CPNE8: variants seen among roughly 807,000 people sequenced by gnomAD.
The protein encoded by CPNE8 is copine 8.
CPNE8 carries 45 observed loss-of-function variants against 81.5 expected under a neutral mutation model. The ratio of observed to expected loss-of-function variants is 0.55; its 90% CI spans 0.44 to 0.71. CPNE8 has a LOEUF of 0.71. Among genes scored for constraint, CPNE8 ranks in the 30% least tolerant of loss-of-function variants. CPNE8 has a pLI of 0.00. For synonymous variants in CPNE8, 252 were observed against 226.3 expected (o/e 1.11, Z -1.02); for missense variants, 594 against 672.1 (o/e 0.88, Z 1.28).
chr12:38,727,657 T>A (rs75660866), intron 11 of CPNE8, among the ~76,000 whole-genome samples: 3,260 of 152,320 alleles, frequency 0.021, 62 homozygotes, highest in East Asian at 0.093. Flanking sequence ...AGTAGTCAGT[T>A]GCAGGTGTTT....
intron 5 of CPNE8, among the ~76,000 whole-genome samples, chr12:38,836,154 G>A (rs548215544): frequency 6.6e-6 from 1 of 152,136 alleles, no homozygotes; most frequent in Non-Finnish European, 1.5e-5. Context: ...AACAAACTCA[G>A]AATTCAAAAT....
At chr12:38,738,733 G>A (rs977264376) in intron 10 of CPNE8, among the ~76,000 whole-genome samples, 4 of 151,490 alleles carry the variant, frequency 2.6e-5, no homozygotes, top group Non-Finnish European at 5.9e-5. Flanking sequence ...ATTACCATTC[G>A]GTATTTATGA....
intron 14 of CPNE8, among the ~76,000 whole-genome samples, chr12:38,697,489 A>G (rs1182902880): frequency 6.6e-4 from 100 of 152,144 alleles, no homozygotes; most frequent in Admixed American, 6.4e-3. Context: ...TTGCTGACAT[A>G]TGTTTTTAAG....
chr12:38,880,318 T>C (rs1281898139), intron 1 of CPNE8, among the ~76,000 whole-genome samples: 2 of 152,236 alleles, frequency 1.3e-5, no homozygotes, highest in African/African-American at 4.8e-5. Context: ...AAATGTTGCT[T>C]AGGCAGCTAC....
intron 1 of CPNE8, among the ~76,000 whole-genome samples, chr12:38,902,376 GAAAGAAAA>G (rs1486613170): frequency 6.2e-5 from 5 of 80,300 alleles, no homozygotes. Context: ...AAGAAAGAAA[GAAAGAAAA>G]GAAAGAAAGA....
chr12:38,869,333 T>C (rs553473211), intron 3 of CPNE8, among the ~76,000 whole-genome samples: 1 of 152,308 alleles, frequency 6.6e-6, no homozygotes, highest in South Asian at 2.1e-4. Flanking sequence ...CTTAATTGTA[T>C]AGTACTTCTT....
chr12:38,661,428 G>T (rs1307823471), intron 19 of CPNE8, among the ~76,000 whole-genome samples: 1 of 152,000 alleles, frequency 6.6e-6, no homozygotes, highest in Non-Finnish European at 1.5e-5. Flanking sequence ...TGGACACAGG[G>T]TGGGGAACAT....
chr12:38,803,431 G>GA (rs1276320057), intron 6 of CPNE8, among the ~76,000 whole-genome samples: 1 of 150,340 alleles, frequency 6.7e-6, no homozygotes, highest in Non-Finnish European at 1.5e-5. Context: ...AATAGATGCA[G>GA]AAAAAGCCTT....
At chr12:38,704,297 C>T (rs35669471) in intron 13 of CPNE8, among the ~76,000 whole-genome samples, 1 of 152,086 alleles carries the variant, frequency 6.6e-6, no homozygotes, top group African/African-American at 2.4e-5. Flanking sequence ...CTTTTGCTTT[C>T]TTCAGAAATG....
chr12:38,877,512 A>G (rs1944084875), intron 1 of CPNE8, among the ~76,000 whole-genome samples: 1 of 152,102 alleles, frequency 6.6e-6, no homozygotes, highest in African/African-American at 2.4e-5. Context: ...AAAGTCCTGA[A>G]CATGTCTTTC....
chr12:38,709,075 T>C (rs1940182924), intron 13 of CPNE8, among the ~76,000 whole-genome samples: 4 of 152,182 alleles, frequency 2.6e-5, no homozygotes, highest in Admixed American at 6.5e-5. Context: ...CACCTAACAA[T>C]AATATTCCTC....
intron 18 of CPNE8, among the ~76,000 whole-genome samples, chr12:38,671,151 A>C (rs1474914892): frequency 6.6e-6 from 1 of 152,156 alleles, no homozygotes; most frequent in Non-Finnish European, 1.5e-5. Flanking sequence ...CTGATTGAGC[A>C]AGTGATGTTA....
At chr12:38,891,626 T>C (rs1047168367) in intron 1 of CPNE8, among the ~76,000 whole-genome samples, 4 of 152,082 alleles carry the variant, frequency 2.6e-5, no homozygotes, top group Non-Finnish European at 5.9e-5. Flanking sequence ...TTTGTATTTT[T>C]AGTAGAGACA....
At position 38,666,466 on chromosome 12, in the gene CPNE8, GAC is replaced by G. The variant is rs550462900; in HGVS notation, c.1506+4261_1506+4262del. On this transcript the variant is annotated intron_variant, in intron 19 of 19. Transcript: ENST00000331366. ...TTAGGAAGATATAAAGTAATATGGG[GAC>G]AAAGTGAAAATTCATCCAGGTGCGG... 1.1e-4 allele frequency among the ~76,000 whole-genome samples: 17 copies of G among 152,270 alleles called. No individual in the cohort carries two copies. In the East Asian group the frequency reaches 2.5e-3, roughly 22 times the overall value.
At chr12:38,759,150 C>T (rs564537582) in intron 10 of CPNE8, among the ~76,000 whole-genome samples, 2 of 152,246 alleles carry the variant, frequency 1.3e-5, no homozygotes, top group Admixed American at 6.5e-5. Context: ...TATTTTCACA[C>T]TGAAAATCAG....
intron 16 of CPNE8, among the ~76,000 whole-genome samples, chr12:38,679,093 G>C (rs1038598304): frequency 4.6e-5 from 7 of 151,710 alleles, no homozygotes; most frequent in Non-Finnish European, 1.0e-4. Flanking sequence ...CAGAAAGATA[G>C]GGTTTTATAT....
intron 3 of CPNE8, among the ~76,000 whole-genome samples, chr12:38,863,444 C>T (rs1024929866): frequency 3.0e-4 from 45 of 152,086 alleles, no homozygotes; most frequent in African/African-American, 1.0e-3. Flanking sequence ...AAAGAGAAAA[C>T]GGAAATGCTT....
At chr12:38,895,313 G>C (rs1436290235) in intron 1 of CPNE8, among the ~76,000 whole-genome samples, 3 of 152,042 alleles carry the variant, frequency 2.0e-5, no homozygotes, top group Non-Finnish European at 4.4e-5. Context: ...GACTTCCCCA[G>C]TGCTAAGAAA....
chr12:38,886,413 A>C (rs1944238222), intron 1 of CPNE8, among the ~76,000 whole-genome samples: 1 of 152,234 alleles, frequency 6.6e-6, no homozygotes, highest in Admixed American at 6.5e-5. Flanking sequence ...TCTAGAGGCA[A>C]AGGCAAAGAG....
Sources: allele counts gnomAD v4.1 joint callset (sites outside exome capture counted in the v4.1 genomes callset), GRCh38; gene constraint gnomAD v4.1.1; transcripts MANE v1.5; gene names NCBI Gene and HGNC (gene_info 2026-07-23, HGNC 2026-07-21).